The following COA1 variants were observed in gnomAD, a reference collection of about 807,000 sequenced individuals.
COA1 encodes cytochrome c oxidase assembly factor 1 homolog.
COA1 carries 13 observed loss-of-function variants against 16.0 expected under a neutral mutation model. That is an observed-to-expected ratio of 0.81 (90% CI 0.53 to 1.29). The LOEUF is 1.29. COA1 is among the 50% of genes most tolerant of loss of function. The probability of loss-of-function intolerance (pLI) is 0.00; values close to 1 mark genes in which losing one functional copy is unlikely to be tolerated. For synonymous variants in COA1, 65 were observed against 65.7 expected (o/e 0.99, Z 0.05); for missense variants, 179 against 177.0 (o/e 1.01, Z -0.06).
intron 6 of COA1, among the ~76,000 whole-genome samples, chr7:43,627,868 C>T (rs1351266153): frequency 6.6e-6 from 1 of 152,214 alleles, no homozygotes; most frequent in African/African-American, 2.4e-5. Flanking sequence ...TATCCTCAAA[C>T]TCATGTAGTT....
chr7:43,640,203 A>C (rs2086700837), intron 5 of COA1, among the ~76,000 whole-genome samples: 1 of 152,264 alleles, frequency 6.6e-6, no homozygotes, highest in South Asian at 2.1e-4. Context: ...GCTTATGCAA[A>C]GAATGTGATG....
chr7:43,682,759 T>C (rs2093825315), intron 1 of COA1, among the ~76,000 whole-genome samples: 1 of 152,136 alleles, frequency 6.6e-6, no homozygotes, highest in African/African-American at 2.4e-5. Context: ...ATTTAATTCA[T>C]AGGTAGCTAT....
intron 1 of COA1, among the ~76,000 whole-genome samples, chr7:43,684,639 C>A (rs1262610470): frequency 1.3e-5 from 2 of 152,076 alleles, no homozygotes; most frequent in Non-Finnish European, 2.9e-5. Flanking sequence ...CTATAAAGAG[C>A]AAGGGGTTGA....
At chr7:43,709,472 G>GTGTGTA (rs1554557785) in intron 1 of COA1, among the ~76,000 whole-genome samples, 1 of 147,598 alleles carries the variant, frequency 6.8e-6, no homozygotes, top group Non-Finnish European at 1.5e-5. Flanking sequence ...GTGTGTGTGT[G>GTGTGTA]TATACGCATG....
chr7:43,626,045 A>G (rs748205616), intron 6 of COA1: 4 of 152,238 alleles, frequency 2.6e-5, no homozygotes, highest in Non-Finnish European at 5.9e-5. Flanking sequence ...ATGGAAATGT[A>G]AAAGTGTATG....
chr7:43,617,279 A>T (rs1392883298), intron 6 of COA1, among the ~76,000 whole-genome samples: 1 of 152,248 alleles, frequency 6.6e-6, no homozygotes, highest in Non-Finnish European at 1.5e-5. Flanking sequence ...GAAAGGGGAC[A>T]ACAGATCCAA....
At chr7:43,680,100 T>G (rs1357479571) in intron 1 of COA1, among the ~76,000 whole-genome samples, 2 of 152,050 alleles carry the variant, frequency 1.3e-5, no homozygotes, top group African/African-American at 4.8e-5. Context: ...AAGAACCAAT[T>G]ATGTGTAGCT....
Position 43,647,617 on chromosome 7 carries a change from C to T in COA1, c.33G>A (p.Arg11=). Residue 11 remains arginine (R), a synonymous_variant, in exon 3 of 6, where the codon CGG becomes CGA. Coordinates refer to ENST00000223336, the MANE Select transcript of COA1 (RefSeq NM_018224.4). ...GGATCCTTGCTCCCAGAGGCATTGA[C>T]CGCCTGCTTCCTGCATACTTAAAAA... The part of the protein sequence containing the change: MMWQKYAGSR[R]SMPLGARILF... The T allele has an allele frequency of 6.2e-7, 1 of 1,612,638 alleles. No homozygotes were observed. The highest frequency in any genetic ancestry group is 8.5e-7 in the Non-Finnish European group (1 of 1,179,028).
intron 1 of COA1, among the ~76,000 whole-genome samples, chr7:43,659,950 C>G (rs1006754634): frequency 6.6e-6 from 1 of 152,140 alleles, no homozygotes; most frequent in Non-Finnish European, 1.5e-5. Context: ...TGGACTCAGA[C>G]ATACACACAT....
At chr7:43,677,885 A>G (rs2093609420) in intron 1 of COA1, among the ~76,000 whole-genome samples, 1 of 152,072 alleles carries the variant, frequency 6.6e-6, no homozygotes. Flanking sequence ...ATCTAAGATG[A>G]AATTCAGCCT....
intron 1 of COA1, among the ~76,000 whole-genome samples, chr7:43,667,469 T>G (rs1356417943): frequency 6.6e-6 from 1 of 152,230 alleles, no homozygotes; most frequent in East Asian, 1.9e-4. Context: ...GTATATGCTA[T>G]CAATCATAAT....
In COA1 at chr7:43,648,124, T is replaced by C. The variant is rs145838118; in HGVS notation, c.15+476A>G. 2.8e-3 allele frequency: 555 copies of C among 200,744 alleles called. 4 individuals carry two copies. Among genetic ancestry groups the C allele is most frequent in the African/African-American group, 0.012 (520 of 43,396 alleles). The allele number at this position is 200,744 out of a possible 1,614,324, so 12.4% of individuals were successfully genotyped here. A position where few individuals can be genotyped will look rare whatever the true frequency, so the allele number is the denominator to read the frequency against. On this transcript the variant is annotated intron_variant, in intron 2 of 5. Transcript: ENST00000223336. Reference sequence around the variant, plus strand: ...CCTTGGGATGAGGAAACTCTGGTTATGACTCAGGCTGAATGAACAGATGGA... The same window carrying C: ...CCTTGGGATGAGGAAACTCTGGTTACGACTCAGGCTGAATGAACAGATGGA...
intron 1 of COA1, among the ~76,000 whole-genome samples, chr7:43,692,902 A>C (rs1391784588): frequency 6.6e-6 from 1 of 152,024 alleles, no homozygotes; most frequent in Non-Finnish European, 1.5e-5. Flanking sequence ...CCTGCTTGGG[A>C]TACAACCCTG....
downstream of COA1, among the ~76,000 whole-genome samples, chr7:43,636,075 ACT>A (rs945272012): frequency 1.7e-4 from 26 of 152,014 alleles, no homozygotes; most frequent in Middle Eastern, 3.2e-3. Flanking sequence ...AATGAAAAGT[ACT>A]CTCTCCTGCA....
chr7:43,660,065 T>C (rs553661569), intron 1 of COA1, among the ~76,000 whole-genome samples: 1 of 152,280 alleles, frequency 6.6e-6, no homozygotes, highest in East Asian at 1.9e-4. Flanking sequence ...ATCTTCAACT[T>C]CTACCTCCAG....
downstream of COA1, among the ~76,000 whole-genome samples, chr7:43,636,624 G>GTGTA (rs1354107194): frequency 1.3e-5 from 2 of 152,160 alleles, no homozygotes; most frequent in African/African-American, 4.8e-5. Context: ...TGGCTGTTTT[G>GTGTA]TGTATATGTA....
chr7:43,635,961 TA>T (rs1465763132), downstream of COA1, among the ~76,000 whole-genome samples: 2 of 152,088 alleles, frequency 1.3e-5, no homozygotes, highest in Non-Finnish European at 1.5e-5. Context: ...AAAAGGTTTT[TA>T]ACATACCTCA....
In COA1 at chr7:43,671,739, G is replaced by T. The variant is rs557154370; in HGVS notation, c.-38-23087C>A. Among the ~76,000 whole-genome samples the T allele has an allele frequency of 2.0e-4, 31 of 152,306 alleles. No homozygotes were observed. The East Asian group carries it at 2.3e-3, about 11-fold the overall frequency. On this transcript the variant is annotated intron_variant, in intron 1 of 5. Coordinates refer to ENST00000223336, the MANE Select transcript of COA1 (RefSeq NM_018224.4). Reference sequence around the variant, plus strand: ...TGTAATACACATGTGTCAAGGGCAAGACCAGGTGGAGGTAATCAGATCACA... The same window carrying T: ...TGTAATACACATGTGTCAAGGGCAATACCAGGTGGAGGTAATCAGATCACA...
chr7:43,648,715 A>T, intron 1 of COA1, 63 bp from the exon 2 acceptor site: 4 of 1,217,696 alleles, frequency 3.3e-6, no homozygotes, highest in Non-Finnish European at 4.7e-6. Flanking sequence ...CTCTAGTCTC[A>T]TACAGCCAAG....
Sources: allele counts gnomAD v4.1 joint callset (sites outside exome capture counted in the v4.1 genomes callset), GRCh38; gene constraint gnomAD v4.1.1; transcripts MANE v1.5; gene names NCBI Gene and HGNC (gene_info 2026-07-23, HGNC 2026-07-21).